Variants in EXOC6B observed in about 807,000 individuals in gnomAD.
The protein encoded by EXOC6B is SEC15 homolog B.
EXOC6B carries 54 observed loss-of-function variants against 113.5 expected under a neutral mutation model. The observed-to-expected ratio is 0.48, with a 90% CI of 0.38 to 0.60. EXOC6B has a LOEUF of 0.60. Ranked by LOEUF, EXOC6B falls within the 20% of genes least tolerant of loss-of-function variation. EXOC6B has a pLI of 0.00. For missense variants in EXOC6B, 797 were observed against 977.5 expected, an observed-to-expected ratio of 0.82 and a Z score of 2.46; for synonymous variants, 357 against 339.0, an observed-to-expected ratio of 1.05 and a Z score of -0.58.
intron 20 of EXOC6B, among the ~76,000 whole-genome samples, chr2:72,211,838 C>T (rs1315503635): frequency 1.3e-5 from 2 of 152,034 alleles, no homozygotes; most frequent in Admixed American, 6.6e-5. Context: ...TTTGGTTTAC[C>T]TGTTGCTTTG....
intron 20 of EXOC6B, among the ~76,000 whole-genome samples, chr2:72,298,393 T>A (rs1686282921): frequency 6.6e-6 from 1 of 152,308 alleles, no homozygotes; most frequent in South Asian, 2.1e-4. Flanking sequence ...GCACATGAGA[T>A]GGATCTCCTG....
chr2:72,609,809 GAA>G (rs1315556968), intron 6 of EXOC6B, among the ~76,000 whole-genome samples: 2 of 151,900 alleles, frequency 1.3e-5, no homozygotes, highest in East Asian at 3.9e-4. Context: ...CACACACATA[GAA>G]AAAGCCTCAT....
At chr2:72,541,870 C>T (rs932360580) in intron 8 of EXOC6B, among the ~76,000 whole-genome samples, 1 of 152,138 alleles carries the variant, frequency 6.6e-6, no homozygotes, top group Non-Finnish European at 1.5e-5. Flanking sequence ...TACAGTGTTT[C>T]GTCATGTTGC....
intron 6 of EXOC6B, among the ~76,000 whole-genome samples, chr2:72,625,202 C>T (rs1671981203): frequency 1.3e-5 from 2 of 151,384 alleles, no homozygotes; most frequent in Non-Finnish European, 2.9e-5. Flanking sequence ...AGGCATGAGC[C>T]ACCACACCTA....
chr2:72,459,478 CCTT>C (rs1227428339), intron 18 of EXOC6B, among the ~76,000 whole-genome samples: 1 of 152,174 alleles, frequency 6.6e-6, no homozygotes, highest in Non-Finnish European at 1.5e-5. Flanking sequence ...CCCAAAATCT[CCTT>C]AAGCTGATAA....
chr2:72,218,962 T>TCAAA (rs1680700082), intron 20 of EXOC6B, among the ~76,000 whole-genome samples: 1 of 141,668 alleles, frequency 7.1e-6, no homozygotes, highest in African/African-American at 2.6e-5. Flanking sequence ...TGCTATTTCT[T>TCAAA]AAAAAAAAAA....
At chr2:72,745,750 A>T (rs1558968602) in intron 1 of EXOC6B, among the ~76,000 whole-genome samples, 2 of 152,198 alleles carry the variant, frequency 1.3e-5, no homozygotes, top group African/African-American at 2.4e-5. Flanking sequence ...ACAGTTCACC[A>T]TGAATCAGCA....
chr2:72,240,887 T>C (rs528763802), intron 20 of EXOC6B, among the ~76,000 whole-genome samples: 1 of 152,274 alleles, frequency 6.6e-6, no homozygotes, highest in African/African-American at 2.4e-5. Flanking sequence ...CATCAGAGAT[T>C]AGAGTCACAG....
intron 6 of EXOC6B, among the ~76,000 whole-genome samples, chr2:72,639,360 G>A (rs1245696999): frequency 2.0e-5 from 3 of 152,102 alleles, no homozygotes; most frequent in African/African-American, 7.2e-5. Context: ...AAATGCACCT[G>A]CCAGCACCCT....
chr2:72,445,390 T>C (rs1036044874), intron 18 of EXOC6B, among the ~76,000 whole-genome samples: 4 of 152,206 alleles, frequency 2.6e-5, no homozygotes, highest in African/African-American at 9.6e-5. Context: ...CCTCTGCCCA[T>C]TAACCAGTTC....
intron 1 of EXOC6B, among the ~76,000 whole-genome samples, chr2:72,801,441 A>AT (rs981523589): frequency 6.6e-6 from 1 of 152,164 alleles, no homozygotes; most frequent in Non-Finnish European, 1.5e-5. Flanking sequence ...TATTTTAAAG[A>AT]TTTTCTTTTC....
chr2:72,540,392 G>T (rs570246154), intron 8 of EXOC6B, among the ~76,000 whole-genome samples: 2 of 151,998 alleles, frequency 1.3e-5, no homozygotes, highest in South Asian at 2.1e-4. Flanking sequence ...CCAGATTCAC[G>T]TTGTTAATAT....
intron 6 of EXOC6B, among the ~76,000 whole-genome samples, chr2:72,701,566 A>G (rs935053960): frequency 6.6e-6 from 1 of 152,186 alleles, no homozygotes; most frequent in African/African-American, 2.4e-5. Context: ...CAGTACACCT[A>G]GGTTCTGTGG....
intron 7 of EXOC6B, among the ~76,000 whole-genome samples, chr2:72,563,843 G>T (rs1183472577): frequency 6.6e-6 from 1 of 152,008 alleles, no homozygotes; most frequent in African/African-American, 2.4e-5. Context: ...GGCACATGAG[G>T]AAAACGCCTT....
At chr2:72,484,164 A>G (rs1166887770) in intron 16 of EXOC6B, among the ~76,000 whole-genome samples, 1 of 147,332 alleles carries the variant, frequency 6.8e-6, no homozygotes, top group Non-Finnish European at 1.5e-5. Flanking sequence ...TTTCAATTTT[A>G]CATTAAGTTC....
At chr2:72,428,274 A>G (rs576437809) in intron 18 of EXOC6B, among the ~76,000 whole-genome samples, 1 of 152,316 alleles carries the variant, frequency 6.6e-6, no homozygotes, top group African/African-American at 2.4e-5. Flanking sequence ...AGATAAGGAG[A>G]CAAGAGCTGT....
At chr2:72,477,474 A>C (rs897815729) in intron 17 of EXOC6B, among the ~76,000 whole-genome samples, 6 of 152,324 alleles carry the variant, frequency 3.9e-5, no homozygotes, top group Middle Eastern at 3.4e-3. Flanking sequence ...AGTGACCACT[A>C]TCTCTTGCCT....
chr2:72,613,750 A>T (rs1179203473), intron 6 of EXOC6B, among the ~76,000 whole-genome samples: 2 of 152,108 alleles, frequency 1.3e-5, no homozygotes, highest in Non-Finnish European at 2.9e-5. Context: ...GGAAGCAAAA[A>T]AAAAAAAATC....
At chr2:72,618,619 A>T (rs1671547435) in intron 6 of EXOC6B, among the ~76,000 whole-genome samples, 1 of 152,196 alleles carries the variant, frequency 6.6e-6, no homozygotes, top group South Asian at 2.1e-4. Context: ...TTTCACAGCA[A>T]TTCGTTAGTG....
Sources: gnomAD v4.1 joint callset for allele counts (sites outside exome capture counted in the v4.1 genomes callset) on GRCh38, gnomAD v4.1.1 for gene constraint, MANE v1.5 for transcripts, NCBI Gene and HGNC (gene_info 2026-07-23, HGNC 2026-07-21) for gene names.